PPP2R1B: variants seen among roughly 807,000 people sequenced by gnomAD.
PPP2R1B encodes serine/threonine-protein phosphatase 2A 65 kDa regulatory subunit A beta isoform.
PPP2R1B carries 58 observed loss-of-function variants against 72.7 expected under a neutral mutation model. The ratio of observed to expected loss-of-function variants is 0.80; its 90% CI spans 0.65 to 0.99. PPP2R1B has a LOEUF of 0.99. Ranked by LOEUF, PPP2R1B falls within the 50% of genes least tolerant of loss-of-function variation. The pLI, the probability that PPP2R1B is intolerant of heterozygous loss-of-function variation, is 0.00. For missense variants in PPP2R1B, 695 were observed against 733.6 expected, an observed-to-expected ratio of 0.95 and a Z score of 0.61; for synonymous variants, 256 against 264.6, an observed-to-expected ratio of 0.97 and a Z score of 0.32.
Position 111,738,228 on chromosome 11 carries a change from TAC to T in PPP2R1B, c.*3366_*3367del. 1.0e-6 allele frequency: 1 copy of T among 985,570 alleles called. No homozygotes were observed. Among genetic ancestry groups the T allele is most frequent in the African/African-American group, 1.7e-5 (1 of 57,354 alleles). The allele number at this position is 985,570 out of a possible 1,614,324, so 61.1% of individuals were successfully genotyped here. A position where few individuals can be genotyped will look rare whatever the true frequency, so the allele number is the denominator to read the frequency against. On this transcript the variant is annotated 3_prime_UTR_variant, in exon 15 of 15. Transcript: ENST00000527614. ...CACTGGGCAACAGGGCCTCTCCCTC[TAC>T]AGTTTCATATCCAAGCAGTGGAGAA...
chr11:111,746,737 A>T (rs761468245), intron 11 of PPP2R1B, among the ~76,000 whole-genome samples: 33 of 152,192 alleles, frequency 2.2e-4, no homozygotes, highest in South Asian at 6.2e-4. Context: ...CATTTTTTTT[A>T]AAAGTGGTAT....
At chr11:111,698,262 G>T in the PPP2R1B span, among the ~76,000 whole-genome samples, 1 of 152,168 alleles carries the variant, frequency 6.6e-6, no homozygotes, top group African/African-American at 2.4e-5. Flanking sequence ...GGGCTACCAC[G>T]GGTCCAGAGA....
chr11:111,694,259 CTTATTAA>C, the PPP2R1B span, among the ~76,000 whole-genome samples: 1 of 151,978 alleles, frequency 6.6e-6, no homozygotes, highest in African/African-American at 2.4e-5. Context: ...GCTTTAAAGC[CTTATTAA>C]TACAAACCTT....
chr11:111,720,995 C>A, the PPP2R1B span: 1 of 1,613,990 alleles, frequency 6.2e-7, no homozygotes, highest in South Asian at 1.1e-5. Context: ...CAAATAGGAC[C>A]GGAGGCAGAC....
chr11:111,752,372 C>A, intron 9 of PPP2R1B, 40 bp from the exon 10 acceptor site: 1 of 1,547,562 alleles, frequency 6.5e-7, no homozygotes, highest in Non-Finnish European at 8.7e-7. Context: ...ATTTAAAAAT[C>A]AAGTACTCTG....
Position 111,740,516 on chromosome 11 carries a change from GCTT to G in PPP2R1B, c.*1077_*1079del. The G allele has an allele frequency of 2.5e-5, 25 of 985,148 alleles. No homozygotes were observed. The highest frequency in any genetic ancestry group is 3.0e-5 in the Non-Finnish European group (25 of 829,738). The allele number at this position is 985,148 out of a possible 1,614,324, so 61.0% of individuals were successfully genotyped here. A position where few individuals can be genotyped will look rare whatever the true frequency, so the allele number is the denominator to read the frequency against. On this transcript the variant is annotated 3_prime_UTR_variant, in exon 15 of 15. Coordinates refer to ENST00000527614, the MANE Select transcript of PPP2R1B (RefSeq NM_002716.5). ...AATACTGTTTAAGTAGTTCAAATAGGCTTCCTCACTATTAATTTGCTTCAGTAA... is the reference window on the plus strand; with the variant it reads ...AATACTGTTTAAGTAGTTCAAATAGGCCTCACTATTAATTTGCTTCAGTAA...
the PPP2R1B span, among the ~76,000 whole-genome samples, chr11:111,702,421 C>CA: frequency 6.6e-6 from 1 of 152,048 alleles, no homozygotes; most frequent in African/African-American, 2.4e-5. Flanking sequence ...CCTGTCTCTA[C>CA]AAAAAAGTTT....
chr11:111,759,331 C>T (rs1299554868), intron 5 of PPP2R1B, among the ~76,000 whole-genome samples: 4 of 152,286 alleles, frequency 2.6e-5, no homozygotes, highest in Non-Finnish European at 4.4e-5. Flanking sequence ...GTTATTTCTA[C>T]ACCAAAGAGA....
downstream of PPP2R1B, chr11:111,726,573 C>A (rs1039480011): frequency 5.1e-5 from 10 of 197,514 alleles, no homozygotes; most frequent in Non-Finnish European, 1.0e-4. Flanking sequence ...TCTGTATTGA[C>A]TGCAATGTAA....
intron 12 of PPP2R1B, among the ~76,000 whole-genome samples, chr11:111,742,955 C>G (rs868033736): frequency 1.3e-5 from 2 of 151,788 alleles, no homozygotes; most frequent in Admixed American, 1.3e-4. Flanking sequence ...TCTCAGCTCA[C>G]TGCAACCTCT....
At chr11:111,692,051 GAGAA>G in the PPP2R1B span, among the ~76,000 whole-genome samples, 1 of 152,046 alleles carries the variant, frequency 6.6e-6, no homozygotes, top group Non-Finnish European at 1.5e-5. Flanking sequence ...CGGGGAGACA[GAGAA>G]AGAAAGAGGG....
At chr11:111,707,586 C>G in the PPP2R1B span, among the ~76,000 whole-genome samples, 3 of 152,134 alleles carry the variant, frequency 2.0e-5, no homozygotes, top group African/African-American at 7.2e-5. Context: ...GAGCAACAGG[C>G]CCCCTCCTCT....
At chr11:111,755,243 A>G in intron 6 of PPP2R1B, 52 bp downstream of exon 6, 1 of 1,561,958 alleles carries the variant, frequency 6.4e-7, no homozygotes, top group Non-Finnish European at 8.6e-7. Flanking sequence ...ACAACAGCAA[A>G]TCTATGTGTT....
At chr11:111,721,439 T>C in the PPP2R1B span, among the ~76,000 whole-genome samples, 4 of 152,322 alleles carry the variant, frequency 2.6e-5, no homozygotes, top group Admixed American at 2.6e-4. Flanking sequence ...CTACTTTTGA[T>C]GTGGTATCAC....
Position 111,764,620 on chromosome 11 carries a change from G to GAA in PPP2R1B, c.306+183_306+184dup, listed in dbSNP as rs1286016147. Among the ~76,000 whole-genome samples, 7 of 138,484 alleles carry GAA rather than the reference G, an allele frequency of 5.1e-5. No individual in the cohort carries two copies. The South Asian group carries it at 6.7e-4, about 13-fold the overall frequency. The allele number at this position is 138,484 out of a possible 152,430, so 90.9% of individuals were successfully genotyped here. On this transcript the variant is annotated intron_variant, in intron 3 of 14. Transcript: ENST00000527614. ...GGAGGACGAAGTTCTCTTATTTACA[G>GAA]AAAAAAAAAAAAGGAGTTGAGTGCA...
downstream of PPP2R1B, chr11:111,726,674 A>T (rs964649796): frequency 4.7e-6 from 2 of 423,824 alleles, no homozygotes; most frequent in East Asian, 8.7e-5. Context: ...CTAGTGACCC[A>T]TGGAAGCTTC....
the PPP2R1B span, among the ~76,000 whole-genome samples, chr11:111,716,491 T>C: frequency 7.5e-3 from 1,133 of 151,974 alleles, 9 homozygotes; most frequent in Middle Eastern, 0.061. Context: ...GCAGGAGAAT[T>C]GCTTGAACCT....
At chr11:111,723,618 A>G (rs1287486121), downstream of PPP2R1B, 1 of 1,613,794 alleles carries the variant, frequency 6.2e-7, no homozygotes, top group Admixed American at 1.7e-5. Flanking sequence ...CCCCGCCAGG[A>G]GACTCCACCG....
At chr11:111,693,104 T>C in the PPP2R1B span, among the ~76,000 whole-genome samples, 141,695 of 152,098 alleles carry the variant, frequency 0.93, 66,167 homozygotes, top group East Asian at 1. Flanking sequence ...GGGGCCAAGG[T>C]GGGCGGATCA....
Sources: gnomAD v4.1 joint callset for allele counts (sites outside exome capture counted in the v4.1 genomes callset) on GRCh38, gnomAD v4.1.1 for gene constraint, MANE v1.5 for transcripts, NCBI Gene and HGNC (gene_info 2026-07-23, HGNC 2026-07-21) for gene names.